Variants in NRXN3 observed in about 807,000 individuals in gnomAD.
NRXN3 encodes neurexin III.
A neutral mutation model predicts 137.6 loss-of-function variants in NRXN3; 32 were observed. The observed-to-expected ratio is 0.23, with a 90% CI of 0.18 to 0.31. NRXN3 has a LOEUF of 0.31. NRXN3 is among the 10% of genes least tolerant of loss of function. The pLI is 1.00. For missense variants in NRXN3, 1,574 were observed against 2,062.5 expected (o/e 0.76, Z 4.59); for synonymous variants, 798 against 784.5 (o/e 1.02, Z -0.29).
chr14:79,587,376 A>G (rs1331869627), intron 16 of NRXN3, among the ~76,000 whole-genome samples: 1 of 152,098 alleles, frequency 6.6e-6, no homozygotes, highest in African/African-American at 2.4e-5. Context: ...TTCACCACAC[A>G]TTTCCGTCAA....
intron 4 of NRXN3, among the ~76,000 whole-genome samples, chr14:78,462,624 C>A (rs930174447): frequency 2.0e-5 from 3 of 152,172 alleles, no homozygotes; most frequent in African/African-American, 7.2e-5. Context: ...GAGGAGAATT[C>A]ATGCTTTGTT....
At chr14:79,739,163 G>C (rs2098952048) in intron 19 of NRXN3, among the ~76,000 whole-genome samples, 1 of 152,160 alleles carries the variant, frequency 6.6e-6, no homozygotes, top group Non-Finnish European at 1.5e-5. Context: ...TGAAATGAAG[G>C]CACGTGGGTG....
chr14:79,240,610 G>C (rs932240959), intron 15 of NRXN3, among the ~76,000 whole-genome samples: 3 of 152,182 alleles, frequency 2.0e-5, no homozygotes, highest in African/African-American at 7.2e-5. Context: ...ACACCAGTGA[G>C]AGATCATGCC....
At chr14:78,328,186 G>T (rs549008227) in intron 4 of NRXN3, among the ~76,000 whole-genome samples, 2 of 152,228 alleles carry the variant, frequency 1.3e-5, no homozygotes, top group South Asian at 2.1e-4. Flanking sequence ...TACAGGGAAG[G>T]CTTCTGTGAG....
chr14:78,397,324 A>T lies in NRXN3; in HGVS notation c.757+99464A>T, dbSNP rs369460990. On this transcript the variant is annotated intron_variant, in intron 4 of 20. Coordinates refer to ENST00000335750, the MANE Select transcript of NRXN3 (RefSeq NM_001330195.2). ...AATGTTACACCTTTTGCTATAGTCC[A>T]CAGACCCTGTGGCTCCATTCACCTT... 8.6e-5 allele frequency among the ~76,000 whole-genome samples: 13 copies of T among 151,896 alleles called. No homozygotes were observed. In the East Asian group the frequency reaches 1.9e-3, roughly 23 times the overall value.
chr14:79,018,277 AAAAAAAAAAAAAAAAAAAAG>A lies in NRXN3; in HGVS notation c.3262+30138_3262+30157del, dbSNP rs2099582888. Among the ~76,000 whole-genome samples, 7 of 59,200 alleles carry A rather than the reference AAAAAAAAAAAAAAAAAAAAG, an allele frequency of 1.2e-4. 1 individual carries two copies. Among genetic ancestry groups the A allele is most frequent in the East Asian group, 5.4e-4 (2 of 3,696 alleles). 38.8% of individuals were successfully genotyped at this position (59,200 alleles called of 152,430 possible). A position where few individuals can be genotyped will look rare whatever the true frequency, so the allele number is the denominator to read the frequency against. On this transcript the variant is annotated intron_variant, in intron 15 of 20. Coordinates refer to ENST00000335750, the MANE Select transcript of NRXN3 (RefSeq NM_001330195.2). ...CTCTGTCTCAAAAAAAAAAAAAAAA[AAAAAAAAAAAAAAAAAAAAG>A]AGAGAGAGCAAGAAGAGTGAAAGTT...
chr14:78,631,667 T>A (rs1006848897), intron 4 of NRXN3, among the ~76,000 whole-genome samples: 1 of 152,206 alleles, frequency 6.6e-6, no homozygotes, highest in Non-Finnish European at 1.5e-5. Flanking sequence ...AACTAACCAT[T>A]TCCCTTTCTG....
Position 78,389,352 on chromosome 14 carries a change from G to C in NRXN3, c.757+91492G>C, listed in dbSNP as rs79740724. On this transcript the variant is annotated intron_variant, in intron 4 of 20. Coordinates refer to ENST00000335750, the MANE Select transcript of NRXN3 (RefSeq NM_001330195.2). ...ATTACAGACGTGAGTCACCATGCCA[G>C]GCCTAAGGTTCTTGATATATACTGA... Among the ~76,000 whole-genome samples the C allele has an allele frequency of 3.8e-4, 58 of 152,238 alleles. No homozygotes were observed. In the East Asian group the frequency reaches 0.011, roughly 28 times the overall value.
chr14:79,416,442 A>G (rs2095498337), intron 15 of NRXN3, among the ~76,000 whole-genome samples: 1 of 152,184 alleles, frequency 6.6e-6, no homozygotes, highest in Admixed American at 6.6e-5. Flanking sequence ...TTGTATGACC[A>G]GAAAGTTATT....
intron 15 of NRXN3, among the ~76,000 whole-genome samples, chr14:79,227,796 T>C (rs977489854): frequency 9.8e-5 from 6 of 61,508 alleles, no homozygotes; most frequent in Admixed American, 2.3e-4. Context: ...CCTCCTCCCT[T>C]CCTCCCTTCC....
At chr14:79,682,150 A>G (rs975216234) in intron 17 of NRXN3, among the ~76,000 whole-genome samples, 11 of 152,092 alleles carry the variant, frequency 7.2e-5, no homozygotes, top group Admixed American at 1.3e-4. Context: ...TTATATTTGT[A>G]TAGGGTATGT....
intron 4 of NRXN3, among the ~76,000 whole-genome samples, chr14:78,619,575 G>A (rs928773775): frequency 2.6e-5 from 4 of 152,058 alleles, no homozygotes; most frequent in African/African-American, 9.7e-5. Context: ...TGAATCATGG[G>A]GGTTGCTCCC....
chr14:78,511,782 G>A (rs1169047335), intron 4 of NRXN3, among the ~76,000 whole-genome samples: 1 of 152,050 alleles, frequency 6.6e-6, no homozygotes, highest in Non-Finnish European at 1.5e-5. Context: ...AAAAGGTCTA[G>A]GAATTGACTC....
chr14:79,072,105 G>C (rs2099688608), intron 15 of NRXN3: 1 of 152,050 alleles, frequency 6.6e-6, no homozygotes, highest in South Asian at 2.1e-4. Context: ...GGCTTATTTG[G>C]GTTGTAGGTA....
At chr14:78,855,336 A>C (rs1404669744) in intron 10 of NRXN3, among the ~76,000 whole-genome samples, 1 of 152,198 alleles carries the variant, frequency 6.6e-6, no homozygotes, top group African/African-American at 2.4e-5. Flanking sequence ...TAAAGCAAAC[A>C]AACAAGATGA....
chr14:78,479,098 T>C (rs1304900035), intron 4 of NRXN3, among the ~76,000 whole-genome samples: 1 of 152,226 alleles, frequency 6.6e-6, no homozygotes, highest in Non-Finnish European at 1.5e-5. Context: ...GCTTCATAAG[T>C]GAGAAAATTA....
intron 15 of NRXN3, among the ~76,000 whole-genome samples, chr14:79,096,873 C>T (rs1166462721): frequency 6.6e-6 from 1 of 152,136 alleles, no homozygotes; most frequent in African/African-American, 2.4e-5. Flanking sequence ...CGACCCCATT[C>T]TGCCACTGAC....
chr14:78,531,231 C>G (rs2096457646), intron 4 of NRXN3, among the ~76,000 whole-genome samples: 1 of 152,154 alleles, frequency 6.6e-6, no homozygotes, highest in South Asian at 2.1e-4. Context: ...CAGAGTTAGC[C>G]TACCCTTTGA....
At chr14:79,702,198 G>T (rs1320418201) in intron 19 of NRXN3, among the ~76,000 whole-genome samples, 1 of 152,024 alleles carries the variant, frequency 6.6e-6, no homozygotes. Flanking sequence ...CATCTTTAAA[G>T]TTCTGTTTTA....
Sources: gnomAD v4.1 joint callset for allele counts (sites outside exome capture counted in the v4.1 genomes callset) on GRCh38, gnomAD v4.1.1 for gene constraint, MANE v1.5 for transcripts, NCBI Gene and HGNC (gene_info 2026-07-23, HGNC 2026-07-21) for gene names.